Variants in ANKMY1 observed in about 807,000 individuals in gnomAD.
The protein encoded by ANKMY1 is ankyrin repeat and MYND domain-containing protein 1.
Under a neutral mutation model 102.0 loss-of-function variants are expected in ANKMY1, and 98 were observed. The observed-to-expected ratio is 0.96, with a 90% CI of 0.82 to 1.14. The LOEUF (loss-of-function observed/expected upper bound fraction) is 1.14. Ranked by LOEUF, ANKMY1 falls within the 50% of genes most tolerant of loss-of-function variation. ANKMY1 has a pLI of 0.00. For synonymous variants in ANKMY1, 582 were observed against 559.9 expected (o/e 1.04, Z -0.56); for missense variants, 1,330 against 1,347.6 (o/e 0.99, Z 0.20).
rs779144806 is a variant in ANKMY1, at chr2:240,529,404, T to C, written c.586A>G (p.Thr196Ala). Residue 196 changes from threonine (T) to alanine (A), a missense_variant, in exon 5 of 18, where the codon ACC becomes GCC. Coordinates refer to ENST00000401804, the MANE Select transcript of ANKMY1 (RefSeq NM_001282771.3). The surrounding 1 kb of genome is among the most constrained non-coding windows in gnomAD (Gnocchi z 4.2). ...WFREQLIKLC[T>A]QIPSGFSLLR... ...AGGGAGAAGCCACTGGGGATCTGGG[T>C]GCACAGCTTGATGAGCTGCTCTCGG... 1.9e-6 allele frequency: 3 copies of C among 1,614,110 alleles called. No individual in the cohort carries two copies. Among genetic ancestry groups the C allele is most frequent in the Non-Finnish European group, 2.5e-6 (3 of 1,180,026 alleles).
At position 240,526,427 on chromosome 2, in the gene ANKMY1, G is replaced by A. The variant is rs770453145; in HGVS notation, c.972C>T (p.Thr324=). 11 of 1,614,126 alleles carry A rather than the reference G, an allele frequency of 6.8e-6. No individual in the cohort carries two copies. Among genetic ancestry groups the A allele is most frequent in the Non-Finnish European group, 9.3e-6 (11 of 1,180,040 alleles). The stretch of plus-strand genomic sequence containing the variant: ...CCAGGATGGCGCCCATGTTCCAGCT[G>A]GTGTGAGCTGGCTTGTTCCTGGCAA... The part of the protein sequence containing the change: ...TYKFRNKPAH[T]SWNMGAILEG... Residue 324 remains threonine, a synonymous_variant, in exon 6 of 18, where the codon ACC becomes ACT. Coordinates refer to ENST00000401804, the MANE Select transcript of ANKMY1 (RefSeq NM_001282771.3).
intron 4 of ANKMY1, among the ~76,000 whole-genome samples, chr2:240,530,470 T>G (rs2085071456): frequency 6.6e-6 from 1 of 152,200 alleles, no homozygotes; most frequent in Admixed American, 6.5e-5. Flanking sequence ...CTCCCCCACT[T>G]GCTCCTGCTC....
chr2:240,546,113 AGG>A (rs2090309954), intron 4 of ANKMY1, among the ~76,000 whole-genome samples: 1 of 152,196 alleles, frequency 6.6e-6, no homozygotes, highest in Non-Finnish European at 1.5e-5. Context: ...CCAGAGAGAA[AGG>A]TCGGGTTACC....
At chr2:240,542,437 G>C (rs2089151407) in intron 4 of ANKMY1, among the ~76,000 whole-genome samples, 2 of 151,958 alleles carry the variant, frequency 1.3e-5, no homozygotes, top group African/African-American at 4.8e-5. Flanking sequence ...CTGGGAGGTG[G>C]AGGTTGCAGT....
At chr2:240,538,556 C>T (rs1156847944) in intron 4 of ANKMY1, among the ~76,000 whole-genome samples, 3 of 152,176 alleles carry the variant, frequency 2.0e-5, no homozygotes, top group Admixed American at 2.0e-4. Flanking sequence ...CATGCCCGAG[C>T]GCCCCCACCT....
the ANKMY1 span, among the ~76,000 whole-genome samples, chr2:240,469,539 C>T: frequency 7.2e-5 from 11 of 152,344 alleles, no homozygotes; most frequent in African/African-American, 2.6e-4. Context: ...GCAGCTCAGC[C>T]CAGCCGTGGT....
chr2:240,539,449 C>T (rs1469425066), intron 4 of ANKMY1, among the ~76,000 whole-genome samples: 1 of 152,154 alleles, frequency 6.6e-6, no homozygotes, highest in Non-Finnish European at 1.5e-5. Context: ...TGAACACGTC[C>T]AAACATCAGA....
Position 240,529,901 on chromosome 2 carries a change from C to T in ANKMY1, c.481-392G>A, listed in dbSNP as rs2084913470. 6.6e-6 allele frequency among the ~76,000 whole-genome samples: 1 copy of T among 151,916 alleles called. No individual in the cohort carries two copies. Among genetic ancestry groups the T allele is most frequent in the Non-Finnish European group, 1.5e-5 (1 of 67,994 alleles). On this transcript the variant is annotated intron_variant, in intron 4 of 17. Transcript: ENST00000401804. The surrounding 1 kb of genome is among the most constrained non-coding windows in gnomAD (Gnocchi z 4.2). ...AGTGGGTGGGGAGGAAGTATGCAGG[C>T]AGCAGGTCAGGTATGACCCAACAAG... is the stretch of plus-strand genomic sequence containing the variant.
At chr2:240,495,336 C>A (rs1198055490) in intron 15 of ANKMY1, among the ~76,000 whole-genome samples, 2 of 152,200 alleles carry the variant, frequency 1.3e-5, no homozygotes, top group Admixed American at 1.3e-4. Context: ...GTCAGGCCCG[C>A]CCACAGTTAT....
chr2:240,500,085 C>T lies in ANKMY1; in HGVS notation c.2679G>A (p.Met893Ile), dbSNP rs772241901. ...RIARCPFHTLMPAERETFLAR... is the reference protein window; with the variant it reads ...RIARCPFHTLIPAERETFLAR... ...CCAGGAACGTCTCGCGCTCTGCTGG[C>T]ATCAGCGTGTGGAAGGGGCAGCGGG... is the stretch of plus-strand genomic sequence containing the variant. The change falls in exon 15 of 18, where the codon ATG becomes ATA. Residue 893 changes from methionine to isoleucine, a missense_variant. Coordinates refer to ENST00000401804, the MANE Select transcript of ANKMY1 (RefSeq NM_001282771.3). 42 of 1,610,332 alleles carry T rather than the reference C, an allele frequency of 2.6e-5. No homozygotes were observed. The East Asian group carries it at 2.7e-4, about 10-fold the overall frequency.
At position 240,557,922 on chromosome 2, in the gene ANKMY1, C is replaced by T. The variant is rs1309775653; in HGVS notation, c.-59G>A. On this transcript the variant is annotated 5_prime_UTR_variant, in exon 1 of 18. Transcript: ENST00000401804. ...AGCTCGCGCCGGACAGCAGGGAGACCGACGGGACTGCAGCCACCGCGGACG... is the reference window on the plus strand; with the variant it reads ...AGCTCGCGCCGGACAGCAGGGAGACTGACGGGACTGCAGCCACCGCGGACG... 1 of 985,470 alleles carries T rather than the reference C, an allele frequency of 1.0e-6. No individual in the cohort carries two copies. The highest frequency in any genetic ancestry group is 1.7e-5 in the African/African-American group (1 of 57,236). 61.0% of individuals were successfully genotyped at this position (985,470 alleles called of 1,614,324 possible).
At position 240,552,965 on chromosome 2, in the gene ANKMY1, G is replaced by A; in HGVS notation, c.429C>T (p.Leu143=). The A allele has an allele frequency of 6.2e-7, 1 of 1,614,056 alleles. No individual in the cohort carries two copies. The highest frequency in any genetic ancestry group is 8.5e-7 in the Non-Finnish European group (1 of 1,180,030). The change falls in exon 4 of 18, where the codon CTC becomes CTT. Residue 143 remains leucine (L), a synonymous_variant. Transcript: ENST00000401804. ...TGGTGCCGTAGCCTTCTCGGTGGCTGAGGTAAAATGTGCCCGTGAAACTGG... is the reference window on the plus strand; with the variant it reads ...TGGTGCCGTAGCCTTCTCGGTGGCTAAGGTAAAATGTGCCCGTGAAACTGG... ...DGSSFTGTFY[L]SHREGYGTMY...
chr2:240,513,954 C>G (rs994999226), intron 9 of ANKMY1, among the ~76,000 whole-genome samples: 3 of 152,222 alleles, frequency 2.0e-5, no homozygotes, highest in Non-Finnish European at 4.4e-5. Flanking sequence ...CCCAGAGGGA[C>G]GCAGACCCAA....
intron 4 of ANKMY1, among the ~76,000 whole-genome samples, chr2:240,537,644 C>T (rs1360219701): frequency 6.6e-6 from 1 of 152,224 alleles, no homozygotes; most frequent in Non-Finnish European, 1.5e-5. Context: ...CCAAGCGACA[C>T]GGAGGCCCGT....
At chr2:240,490,315 T>G (rs1396556816) in intron 15 of ANKMY1, among the ~76,000 whole-genome samples, 1 of 152,176 alleles carries the variant, frequency 6.6e-6, no homozygotes, top group Admixed American at 6.5e-5. Flanking sequence ...AATTTTGGAT[T>G]TGATTTGTTC....
chr2:240,557,553 T>A (rs1216003414), intron 1 of ANKMY1: 4 of 525,262 alleles, frequency 7.6e-6, no homozygotes, highest in South Asian at 5.0e-5. Flanking sequence ...GAACCATGGG[T>A]AAACTTCACC....
At chr2:240,523,005 A>C (rs2082607148) in intron 8 of ANKMY1, 2 of 152,066 alleles carry the variant, frequency 1.3e-5, no homozygotes, top group African/African-American at 2.4e-5. Context: ...TCCAATCAAA[A>C]ATGGGGCAGG....
chr2:240,520,292 G>T lies in ANKMY1; in HGVS notation c.2004+70C>A. The T allele has an allele frequency of 6.7e-7, 1 of 1,487,918 alleles. No individual in the cohort carries two copies. 92.2% of individuals were successfully genotyped at this position (1,487,918 alleles called of 1,614,324 possible). A position where few individuals can be genotyped will look rare whatever the true frequency, so the allele number is the denominator to read the frequency against. ...CCTCTCTTCCGCGCCTAGGTGGAGC[G>T]AGGAGCTTCCCGGCCAGTGCCCGGG... On this transcript the variant is annotated intron_variant, in intron 9 of 17. Transcript: ENST00000401804. This position sits in a 1 kb window ranked among gnomAD's most constrained non-coding sequence, Gnocchi z 4.8.
intron 2 of ANKMY1, among the ~76,000 whole-genome samples, chr2:240,556,147 C>G (rs546632720): frequency 6.0e-4 from 92 of 152,296 alleles, no homozygotes; most frequent in African/African-American, 2.0e-3. Flanking sequence ...ATCTTCACCA[C>G]CCCATCTAAA....
Sources: gnomAD v4.1 joint callset for allele counts (sites outside exome capture counted in the v4.1 genomes callset) on GRCh38, gnomAD v4.1.1 for gene constraint, Gnocchi (gnomAD v3.1) non-coding constraint, MANE v1.5 for transcripts, NCBI Gene and HGNC (gene_info 2026-07-23, HGNC 2026-07-21) for gene names.